Variants in IFT88 observed in about 807,000 individuals in gnomAD.
IFT88 encodes intraflagellar transport 88, also known as intraflagellar transport protein 88 homolog.
Under a neutral mutation model 119.5 loss-of-function variants are expected in IFT88, and 74 were observed. The observed-to-expected ratio is 0.62, with a 90% CI of 0.51 to 0.75. The LOEUF is 0.75. IFT88 is among the 30% of genes least tolerant of loss of function. The pLI, the probability that IFT88 is intolerant of heterozygous loss-of-function variation, is 0.00. For synonymous variants in IFT88, 279 were observed against 316.7 expected (o/e 0.88, Z 1.26); for missense variants, 961 against 977.7 (o/e 0.98, Z 0.23).
intron 1 of IFT88, among the ~76,000 whole-genome samples, chr13:20,573,941 G>A (rs2036872439): frequency 6.6e-6 from 1 of 152,104 alleles, no homozygotes; most frequent in African/African-American, 2.4e-5. Context: ...CTAGTTTTGG[G>A]AATTTGATGT....
At chr13:20,640,991 CA>C (rs2049851660) in intron 17 of IFT88, among the ~76,000 whole-genome samples, 1 of 152,006 alleles carries the variant, frequency 6.6e-6, no homozygotes, top group African/African-American at 2.4e-5. Flanking sequence ...ACTAAAAATA[CA>C]AAAAATTAGC....
chr13:20,634,754 A>G (rs989613157), intron 16 of IFT88, among the ~76,000 whole-genome samples: 8 of 151,506 alleles, frequency 5.3e-5, no homozygotes, highest in African/African-American at 1.7e-4. Flanking sequence ...AAAAAGAAGA[A>G]ATGGAGCTTT....
intron 17 of IFT88, among the ~76,000 whole-genome samples, chr13:20,640,202 CTCT>C (rs2049659726): frequency 6.6e-6 from 1 of 151,972 alleles, no homozygotes; most frequent in Admixed American, 6.6e-5. Flanking sequence ...TCTTTTCATA[CTCT>C]TCTTATAGCT....
intron 13 of IFT88, among the ~76,000 whole-genome samples, chr13:20,606,888 AAAATAAAT>A (rs567286726): frequency 2.0e-5 from 3 of 152,172 alleles, no homozygotes; most frequent in Non-Finnish European, 4.4e-5. Context: ...CTCAAAAAAT[AAAATAAAT>A]AAATAAATAA....
At chr13:20,635,683 A>G (rs140357529) in intron 16 of IFT88, among the ~76,000 whole-genome samples, 1 of 152,234 alleles carries the variant, frequency 6.6e-6, no homozygotes, top group African/African-American at 2.4e-5. Flanking sequence ...ATGAGAACAC[A>G]TGGACACAGG....
intron 24 of IFT88, among the ~76,000 whole-genome samples, chr13:20,687,494 A>G (rs1251964294): frequency 6.6e-6 from 1 of 152,194 alleles, no homozygotes; most frequent in Non-Finnish European, 1.5e-5. Flanking sequence ...TTTGGTGCTG[A>G]TCTTGTCACC....
chr13:20,658,946 G>A (rs1315750123), intron 22 of IFT88, among the ~76,000 whole-genome samples: 2 of 152,164 alleles, frequency 1.3e-5, no homozygotes, highest in African/African-American at 2.4e-5. Flanking sequence ...CATAGAGGGT[G>A]TCTAAGATAA....
chr13:20,596,864 C>A, intron 8 of IFT88, 151 bp from the exon 9 acceptor site: 1 of 455,340 alleles, frequency 2.2e-6, no homozygotes, highest in South Asian at 6.8e-5. Context: ...AGTCCCTTTC[C>A]AAGGGAAGTT....
Position 20,644,885 on chromosome 13 carries a change from C to T in IFT88, c.1876C>T (p.Leu626Phe). ...TTGTAATATTGAAGTCATTGAGTGG[C>T]TTGGAGCCTATTACATTGACACCCA... ...FPCNIEVIEW[L>F]GAYYIDTQFW... is the part of the protein sequence containing the mutation. Residue 626 changes from leucine (L) to phenylalanine (F), a missense_variant, in exon 20 of 26, where the codon CTT (leucine) becomes TTT (phenylalanine). Leu to Phe is a conservative substitution (Grantham distance 22). Coordinates refer to ENST00000351808, the MANE Select transcript of IFT88 (RefSeq NM_006531.5). 1 of 1,602,516 alleles carries T rather than the reference C, an allele frequency of 6.2e-7. No individual in the cohort carries two copies. Among genetic ancestry groups the T allele is most frequent in the Non-Finnish European group, 8.5e-7 (1 of 1,172,080 alleles).
Position 20,590,875 on chromosome 13 carries a change from C to T in IFT88, c.211-92C>T, listed in dbSNP as rs559294006. 31 of 840,740 alleles carry T rather than the reference C, an allele frequency of 3.7e-5. No individual in the cohort carries two copies. The Admixed American group carries it at 3.7e-4, about 10-fold the overall frequency. 52.1% of individuals were successfully genotyped at this position (840,740 alleles called of 1,614,324 possible). A position where few individuals can be genotyped will look rare whatever the true frequency, so the allele number is the denominator to read the frequency against. ...GAATAAATTATGTTTGTTTATTTGC[C>T]GATAGAATGAAGAAAACTTCTATAA... On this transcript the variant is annotated intron_variant, in intron 4 of 25. Transcript: ENST00000351808.
At chr13:20,623,037 G>T (rs2046775045) in intron 14 of IFT88, among the ~76,000 whole-genome samples, 1 of 152,102 alleles carries the variant, frequency 6.6e-6, no homozygotes, top group Admixed American at 6.6e-5. Context: ...CATTACTTAT[G>T]CATAGTTTTC....
At chr13:20,568,566 A>C (rs4261375) in intron 1 of IFT88, among the ~76,000 whole-genome samples, 125,346 of 152,142 alleles carry the variant, frequency 0.82, 52,144 homozygotes, top group East Asian at 1. Context: ...GTTCATAATC[A>C]GAAATTATGG....
intron 3 of IFT88, among the ~76,000 whole-genome samples, chr13:20,585,577 G>A (rs1419243918): frequency 6.6e-6 from 1 of 152,166 alleles, no homozygotes; most frequent in African/African-American, 2.4e-5. Flanking sequence ...CCAACCTTTA[G>A]TCTCTAGTCC....
chr13:20,616,094 T>C (rs143581876), intron 14 of IFT88, among the ~76,000 whole-genome samples: 14 of 152,330 alleles, frequency 9.2e-5, no homozygotes, highest in African/African-American at 3.4e-4. Flanking sequence ...CAAGTAGTTA[T>C]ATAACACATT....
intron 20 of IFT88, among the ~76,000 whole-genome samples, chr13:20,647,897 C>G (rs1437207947): frequency 6.6e-6 from 1 of 152,162 alleles, no homozygotes; most frequent in Non-Finnish European, 1.5e-5. Flanking sequence ...CAATGAGACA[C>G]ATTATGATCA....
In IFT88 at chr13:20,633,400, A is replaced by G. The variant is rs1234350428; in HGVS notation, c.1386+2298A>G. On this transcript the variant is annotated intron_variant, in intron 16 of 25. Transcript: ENST00000351808. ...GTGGCCTGCCTCCCAAAAAAGGGTC[A>G]CCTCTAGGAAGGGGGACAAGGTGCC... Among the ~76,000 whole-genome samples, 4 of 152,140 alleles carry G rather than the reference A, an allele frequency of 2.6e-5. No individual in the cohort carries two copies. The East Asian group carries it at 7.8e-4, about 29-fold the overall frequency.
chr13:20,587,598 G>T (rs1005049888), intron 3 of IFT88, among the ~76,000 whole-genome samples: 3 of 151,984 alleles, frequency 2.0e-5, no homozygotes, highest in Non-Finnish European at 4.4e-5. Context: ...ATCAATTCTT[G>T]TACTCTCGTT....
At chr13:20,592,163 A>G (rs2040789174) in intron 6 of IFT88, among the ~76,000 whole-genome samples, 172 bp from the exon 7 acceptor site, 1 of 152,226 alleles carries the variant, frequency 6.6e-6, no homozygotes, top group South Asian at 2.1e-4. Context: ...CCAATTTCCC[A>G]GTATATGAAA....
At chr13:20,567,687 G>A (rs527236717) in intron 1 of IFT88, 3 of 1,150,776 alleles carry the variant, frequency 2.6e-6, no homozygotes, top group East Asian at 8.0e-5. Context: ...ACTTCAAATT[G>A]CCTGATGAAA....
Sources: allele counts gnomAD v4.1 joint callset (sites outside exome capture counted in the v4.1 genomes callset), GRCh38; gene constraint gnomAD v4.1.1; transcripts MANE v1.5; gene names NCBI Gene and HGNC (gene_info 2026-07-23, HGNC 2026-07-21).